PACRG: variants seen among roughly 807,000 people sequenced by gnomAD.
The protein encoded by PACRG is parkin coregulated.
A neutral mutation model predicts 29.7 loss-of-function variants in PACRG; 29 were observed. That is an observed-to-expected ratio of 0.98 (90% CI 0.73 to 1.33). The LOEUF (loss-of-function observed/expected upper bound fraction) is 1.33, where lower values mean the gene tolerates loss of function less well. PACRG is among the 40% of genes most tolerant of loss of function. The probability of loss-of-function intolerance (pLI) is 0.00; values close to 1 mark genes in which losing one functional copy is unlikely to be tolerated. For missense variants in PACRG, 279 were observed against 316.2 expected (o/e 0.88, Z 0.89); for synonymous variants, 116 against 118.7 (o/e 0.98, Z 0.15).
At chr6:163,015,811 A>C (rs947562726) in intron 2 of PACRG, among the ~76,000 whole-genome samples, 1 of 152,050 alleles carries the variant, frequency 6.6e-6, no homozygotes, top group Non-Finnish European at 1.5e-5. Flanking sequence ...TTCCTTCCCT[A>C]TTTGGATGCC....
At chr6:162,894,276 A>G (rs951526417) in intron 2 of PACRG, among the ~76,000 whole-genome samples, 1 of 152,264 alleles carries the variant, frequency 6.6e-6, no homozygotes, top group Non-Finnish European at 1.5e-5. Context: ...TCTTGATTAT[A>G]CGACTTGATT....
At chr6:163,102,162 G>A (rs1178269476) in intron 4 of PACRG, among the ~76,000 whole-genome samples, 1 of 152,092 alleles carries the variant, frequency 6.6e-6, no homozygotes, top group Non-Finnish European at 1.5e-5. Context: ...AAAAGGATGG[G>A]AACCTTGCCA....
intron 1 of PACRG, among the ~76,000 whole-genome samples, chr6:162,809,522 C>T (rs528597650): frequency 1.3e-5 from 2 of 152,188 alleles, no homozygotes; most frequent in African/African-American, 2.4e-5. Flanking sequence ...TTATCTATAT[C>T]GATTTATGAA....
At chr6:162,826,888 A>AC (rs773896615) in intron 2 of PACRG, among the ~76,000 whole-genome samples, 3 of 152,176 alleles carry the variant, frequency 2.0e-5, no homozygotes, top group Non-Finnish European at 2.9e-5. Flanking sequence ...CCAATGGAAA[A>AC]CATCTTTCAA....
chr6:162,777,611 C>T lies in PACRG; in HGVS notation c.157-36536C>T, dbSNP rs1047421463. ...TATCCTCAAGTTCTAGGTAAAATTG[C>T]CAAAGTAGACTCCTTTGAGTTTTGG... On this transcript the variant is annotated intron_variant, in intron 1 of 4. Transcript: ENST00000366888. The surrounding 1 kb of genome is among the most constrained non-coding windows in gnomAD (Gnocchi z 4.0). Among the ~76,000 whole-genome samples, 2 of 152,104 alleles carry T rather than the reference C, an allele frequency of 1.3e-5. No homozygotes were observed. The highest frequency in any genetic ancestry group is 3.9e-4 in the East Asian group (2 of 5,174).
At chr6:162,806,207 C>T (rs11752447) in intron 1 of PACRG, among the ~76,000 whole-genome samples, 2,081 of 151,674 alleles carry the variant, frequency 0.014, 24 homozygotes, top group South Asian at 0.02. Context: ...CTCCCGGGTT[C>T]AAGCGATTCT....
At chr6:163,052,611 T>C (rs1336241347) in intron 2 of PACRG, among the ~76,000 whole-genome samples, 1 of 152,140 alleles carries the variant, frequency 6.6e-6, no homozygotes, top group Non-Finnish European at 1.5e-5. Context: ...TCCTTGGCCT[T>C]CCACCATGAT....
intron 2 of PACRG, among the ~76,000 whole-genome samples, chr6:162,927,174 A>G (rs1797505642): frequency 6.6e-6 from 1 of 152,140 alleles, no homozygotes; most frequent in Non-Finnish European, 1.5e-5. Flanking sequence ...GAGGCTGTGG[A>G]GAAATAGAAA....
At chr6:162,814,305 G>C in intron 2 of PACRG, 24 bp downstream of exon 2, 1 of 1,607,320 alleles carries the variant, frequency 6.2e-7, no homozygotes, top group Non-Finnish European at 8.5e-7. Context: ...CAGCTGTGCC[G>C]GCCAGCTGCA....
chr6:163,098,902 G>A (rs940149728), intron 4 of PACRG, among the ~76,000 whole-genome samples: 1 of 152,174 alleles, frequency 6.6e-6, no homozygotes, highest in Admixed American at 6.5e-5. Flanking sequence ...TGGCCCTGGT[G>A]GGAGTGTAGC....
chr6:163,222,042 T>C (rs1224932278), intron 4 of PACRG, among the ~76,000 whole-genome samples: 2 of 152,232 alleles, frequency 1.3e-5, no homozygotes, highest in Non-Finnish European at 2.9e-5. Context: ...CAGCAGCTGA[T>C]GGAACATTTT....
chr6:163,135,172 T>A (rs998155314), intron 4 of PACRG, among the ~76,000 whole-genome samples: 1 of 150,862 alleles, frequency 6.6e-6, no homozygotes, highest in African/African-American at 2.5e-5. Context: ...CTACATGTGA[T>A]TCTAGTTAAG....
chr6:163,180,942 C>T (rs928041888), intron 4 of PACRG, among the ~76,000 whole-genome samples: 13 of 152,172 alleles, frequency 8.5e-5, no homozygotes, highest in African/African-American at 2.2e-4. Flanking sequence ...GCTGGGGCTC[C>T]GTACAGTTAT....
At chr6:163,232,846 C>A (rs923648466) in intron 4 of PACRG, among the ~76,000 whole-genome samples, 1 of 152,156 alleles carries the variant, frequency 6.6e-6, no homozygotes, top group East Asian at 1.9e-4. Flanking sequence ...CAGGAGGAGG[C>A]CCTGGCCCTG....
chr6:163,024,429 T>TC (rs1806926805), intron 2 of PACRG, among the ~76,000 whole-genome samples: 1 of 152,194 alleles, frequency 6.6e-6, no homozygotes, highest in Non-Finnish European at 1.5e-5. Context: ...GTTCCATTGA[T>TC]CTATGTGTAT....
chr6:162,870,033 C>T (rs1395109652), intron 2 of PACRG, among the ~76,000 whole-genome samples: 4 of 152,020 alleles, frequency 2.6e-5, no homozygotes, highest in African/African-American at 9.7e-5. Context: ...GATGATCTGC[C>T]CCTGGGAGAT....
chr6:162,882,813 T>C (rs994473546), intron 2 of PACRG, among the ~76,000 whole-genome samples: 14 of 152,352 alleles, frequency 9.2e-5, no homozygotes, highest in African/African-American at 3.1e-4. Context: ...TCGTGAATTA[T>C]TTCCATTGTG....
chr6:163,244,632 T>C (rs973086814), intron 4 of PACRG, among the ~76,000 whole-genome samples: 1 of 152,200 alleles, frequency 6.6e-6, no homozygotes, highest in African/African-American at 2.4e-5. Flanking sequence ...TCCCATACTG[T>C]GGAAGCTTTA....
intron 2 of PACRG, among the ~76,000 whole-genome samples, chr6:162,865,685 A>G (rs1210834677): frequency 6.6e-6 from 1 of 152,202 alleles, no homozygotes; most frequent in Non-Finnish European, 1.5e-5. Context: ...ATTTCACAAA[A>G]GGCTTATCTT....
Sources: gnomAD v4.1 joint callset for allele counts (sites outside exome capture counted in the v4.1 genomes callset) on GRCh38, gnomAD v4.1.1 for gene constraint, Gnocchi (gnomAD v3.1) non-coding constraint, MANE v1.5 for transcripts, NCBI Gene and HGNC (gene_info 2026-07-23, HGNC 2026-07-21) for gene names.